Variants in GSDMC observed in about 807,000 individuals in gnomAD.
GSDMC encodes the protein gasdermin-C.
In GSDMC, 59 loss-of-function variants were observed where a neutral mutation model predicts 58.0. The ratio of observed to expected loss-of-function variants is 1.02; its 90% confidence interval spans 0.82 to 1.26. GSDMC has a LOEUF of 1.26. Among genes scored for constraint, GSDMC ranks in the 50% most tolerant of loss-of-function variants. The pLI, the probability that GSDMC is intolerant of heterozygous loss-of-function variation, is 0.00. For synonymous variants in GSDMC, 241 were observed against 220.2 expected (o/e 1.09, Z -0.83); for missense variants, 659 against 598.5 (o/e 1.10, Z -1.06).
In GSDMC at chr8:129,786,595, A is replaced by C. The variant is rs2130609114; in HGVS notation, c.-589T>G. On this transcript the variant is annotated 5_prime_UTR_variant, in exon 1 of 14. Coordinates refer to ENST00000276708, the MANE Select transcript of GSDMC (RefSeq NM_031415.3). ...CCTTAGCTCTCAAGTCCTCAGCAAA[A>C]AGTCTGTGGAACAAAATCAAGTGGC... 6.6e-6 allele frequency: 1 copy of C among 151,982 alleles called. No homozygotes were observed. Among genetic ancestry groups the C allele is most frequent in the African/African-American group, 2.4e-5 (1 of 41,270 alleles). The allele number at this position is 151,982 out of a possible 1,614,324, so 9.4% of individuals were successfully genotyped here.
At chr8:129,741,915 AATATAT>A in the GSDMC span, among the ~76,000 whole-genome samples, 52 of 126,216 alleles carry the variant, frequency 4.1e-4, no homozygotes, top group South Asian at 2.5e-3. Flanking sequence ...AAGAAAATGT[AATATAT>A]ATATATATAT....
At chr8:129,737,608 A>G in the GSDMC span, among the ~76,000 whole-genome samples, 1 of 152,192 alleles carries the variant, frequency 6.6e-6, no homozygotes, top group Admixed American at 6.6e-5. Context: ...CTGGCTAGTC[A>G]TATGTAAAAA....
chr8:129,757,653 A>T (rs886822482), intron 6 of GSDMC, among the ~76,000 whole-genome samples: 2 of 152,110 alleles, frequency 1.3e-5, no homozygotes, highest in African/African-American at 4.8e-5. Context: ...TGATGCAAAA[A>T]TTTTCAACAA....
At chr8:129,768,393 A>T (rs1413979674) in intron 3 of GSDMC, among the ~76,000 whole-genome samples, 3 of 152,266 alleles carry the variant, frequency 2.0e-5, no homozygotes, top group Non-Finnish European at 4.4e-5. Flanking sequence ...GACTCTAAAG[A>T]AATGGGAGAT....
In GSDMC at chr8:129,786,071, A is replaced by G. The variant is rs1275030077; in HGVS notation, c.-65T>C. The G allele has an allele frequency of 1.3e-5, 2 of 152,398 alleles. No homozygotes were observed. The highest frequency in any genetic ancestry group is 6.5e-5 in the Admixed American group (1 of 15,276). The allele number at this position is 152,398 out of a possible 1,614,324, so 9.4% of individuals were successfully genotyped here. ...CAGGATTGGCCGGGCACGGTGGCTCACGTCTGTAATCCCAGCACTTTGGGA... is the reference window on the plus strand; with the variant it reads ...CAGGATTGGCCGGGCACGGTGGCTCGCGTCTGTAATCCCAGCACTTTGGGA... On this transcript the variant is annotated 5_prime_UTR_variant, in exon 1 of 14. Transcript: ENST00000276708.
Position 129,777,529 on chromosome 8 carries a change from T to A in GSDMC, c.59A>T (p.Asp20Val). 1 of 1,613,560 alleles carries A rather than the reference T, an allele frequency of 6.2e-7. No homozygotes were observed. Among genetic ancestry groups the A allele is most frequent in the Non-Finnish European group, 8.5e-7 (1 of 1,179,570 alleles). ...CAATAGGTATTTGACAGGTGTCAGGTCTTTGCTTCCAATCTCTTTGACCAA... is the reference window on the plus strand; with the variant it reads ...CAATAGGTATTTGACAGGTGTCAGGACTTTGCTTCCAATCTCTTTGACCAA... ...KNLVKEIGSK[D>V]LTPVKYLLSA... Residue 20 changes from aspartate to valine, a missense_variant, in exon 2 of 14, where the codon GAC (aspartate) becomes GTC (valine). By Grantham distance (152) the Asp-to-Val change is radical (BLOSUM62 -3). Coordinates refer to ENST00000276708, the MANE Select transcript of GSDMC (RefSeq NM_031415.3).
the GSDMC span, among the ~76,000 whole-genome samples, chr8:129,736,367 G>A: frequency 6.6e-6 from 1 of 152,216 alleles, no homozygotes; most frequent in Non-Finnish European, 1.5e-5. Context: ...TATCCCTGAT[G>A]AACATCGACG....
the GSDMC span, among the ~76,000 whole-genome samples, chr8:129,717,152 C>G: frequency 6.6e-6 from 1 of 151,992 alleles, no homozygotes; most frequent in African/African-American, 2.4e-5. Context: ...AAGGAGGAGC[C>G]CCTCTTTTTC....
chr8:129,766,737 C>T (rs911986360), intron 3 of GSDMC, among the ~76,000 whole-genome samples: 1 of 152,068 alleles, frequency 6.6e-6, no homozygotes, highest in African/African-American at 2.4e-5. Flanking sequence ...ATCACCCCTC[C>T]CCCAGGCGCC....
At chr8:129,772,951 G>A (rs2034109244) in intron 3 of GSDMC, among the ~76,000 whole-genome samples, 1 of 152,166 alleles carries the variant, frequency 6.6e-6, no homozygotes, top group Non-Finnish European at 1.5e-5. Context: ...GGAATGAAAG[G>A]ATAGTTCAAC....
chr8:129,740,587 C>A, the GSDMC span, among the ~76,000 whole-genome samples: 1 of 152,116 alleles, frequency 6.6e-6, no homozygotes, highest in African/African-American at 2.4e-5. Context: ...TAGGCCATAC[C>A]ATATAGCTTA....
intron 6 of GSDMC, among the ~76,000 whole-genome samples, chr8:129,755,817 A>T (rs1291929001): frequency 3.3e-5 from 5 of 152,014 alleles, no homozygotes; most frequent in African/African-American, 1.2e-4. Flanking sequence ...ATAATGGGTT[A>T]TGAGACAGTA....
chr8:129,752,660 C>G (rs769271861), intron 7 of GSDMC, 38 bp downstream of exon 7: 20 of 1,610,204 alleles, frequency 1.2e-5, no homozygotes, highest in Non-Finnish European at 1.2e-5. Flanking sequence ...AGAAAAGCAT[C>G]AACATAGAAG....
Position 129,749,509 on chromosome 8 carries a change from T to G in GSDMC, c.1230A>C (p.Gln410His). Reference protein sequence around the residue: ...LEAIMVLSDFQHDLLACSMEK... With the variant: ...LEAIMVLSDFHHDLLACSMEK... ...CCATGGAACAGGCCAGCAAATCGTG[T>G]TGGAAGTCACTCAGCACTGAGGGTG... Residue 410 changes from glutamine to histidine, a missense_variant, in exon 13 of 14, where the codon CAA becomes CAC. Coordinates refer to ENST00000276708, the MANE Select transcript of GSDMC (RefSeq NM_031415.3). 3 of 1,613,728 alleles carry G rather than the reference T, an allele frequency of 1.9e-6. No individual in the cohort carries two copies. Among genetic ancestry groups the G allele is most frequent in the Non-Finnish European group, 2.5e-6 (3 of 1,179,704 alleles).
chr8:129,774,441 C>T (rs1326936754), intron 3 of GSDMC, among the ~76,000 whole-genome samples: 1 of 150,480 alleles, frequency 6.6e-6, no homozygotes, highest in African/African-American at 2.4e-5. Context: ...AACCTTAAAA[C>T]ATTTTTAGAA....
chr8:129,766,066 G>A (rs541549805), intron 3 of GSDMC, among the ~76,000 whole-genome samples: 66 of 152,318 alleles, frequency 4.3e-4, no homozygotes, highest in South Asian at 8.3e-4. Context: ...CTGTTAAGGG[G>A]TAACTTATAG....
At chr8:129,768,848 G>A (rs1217929297) in intron 3 of GSDMC, among the ~76,000 whole-genome samples, 1 of 152,204 alleles carries the variant, frequency 6.6e-6, no homozygotes, top group Non-Finnish European at 1.5e-5. Context: ...GGGAGACCAA[G>A]GTTGGAGGAT....
chr8:129,780,421 A>C (rs1055914521), intron 1 of GSDMC, among the ~76,000 whole-genome samples: 5 of 151,910 alleles, frequency 3.3e-5, no homozygotes, highest in Non-Finnish European at 5.9e-5. Flanking sequence ...ACAAACAATA[A>C]AATTCCAATA....
At chr8:129,779,592 T>A (rs1207917553) in intron 1 of GSDMC, among the ~76,000 whole-genome samples, 1 of 151,680 alleles carries the variant, frequency 6.6e-6, no homozygotes, top group Non-Finnish European at 1.5e-5. Flanking sequence ...AACCTACACA[T>A]GTACCCCTGA....
Sources: gnomAD v4.1 joint callset for allele counts (sites outside exome capture counted in the v4.1 genomes callset) on GRCh38, gnomAD v4.1.1 for gene constraint, MANE v1.5 for transcripts, NCBI Gene and HGNC (gene_info 2026-07-23, HGNC 2026-07-21) for gene names.